The following TARBP1 variants were observed in gnomAD, a reference collection of about 807,000 sequenced individuals.
The protein encoded by TARBP1 is tRNA guanosine 2 -O-methyltransferase TARBP1.
TARBP1 carries 144 observed loss-of-function variants against 178.6 expected under a neutral mutation model. The ratio of observed to expected loss-of-function variants is 0.81; its 90% confidence interval spans 0.70 to 0.93. The LOEUF is 0.93. Ranked by LOEUF, TARBP1 falls within the 40% of genes least tolerant of loss-of-function variation. The pLI is 0.00. For synonymous variants in TARBP1, 787 were observed against 781.0 expected (o/e 1.01, Z -0.13); for missense variants, 2,067 against 2,011.7 (o/e 1.03, Z -0.53).
At chr1:234,457,605 T>C in intron 9 of TARBP1, 62 bp downstream of exon 9, 2 of 1,137,044 alleles carry the variant, frequency 1.8e-6, no homozygotes, top group East Asian at 2.8e-5. Context: ...TACTAAGAAA[T>C]TCATTAAGAA....
At chr1:234,415,878 G>A (rs3754314) in intron 22 of TARBP1, among the ~76,000 whole-genome samples, 26,287 of 152,074 alleles carry the variant, frequency 0.17, 2,418 homozygotes, top group East Asian at 0.3. Context: ...TAGCTTTCCC[G>A]GTGTTCTGTA....
At position 234,437,383 on chromosome 1, in the gene TARBP1, GC is replaced by G; in HGVS notation, c.2135-12del. On this transcript the variant is annotated splice_polypyrimidine_tract_variant and intron_variant, in intron 12 of 29. Transcript: ENST00000040877. Reference sequence around the variant, plus strand: ...CAGTAGACACCTCATCTGTATGGGGGCAAAAAGCATGCAACTAAAATGACAG... The same window carrying G: ...CAGTAGACACCTCATCTGTATGGGGGAAAAAGCATGCAACTAAAATGACAG... 7.1e-7 allele frequency: 1 copy of G among 1,417,320 alleles called. No individual in the cohort carries two copies. The highest frequency in any genetic ancestry group is 9.6e-7 in the Non-Finnish European group (1 of 1,037,030). 87.8% of individuals were successfully genotyped at this position (1,417,320 alleles called of 1,614,324 possible). A position where few individuals can be genotyped will look rare whatever the true frequency, so the allele number is the denominator to read the frequency against.
At chr1:234,462,790 ATAAATT>A (rs893335679) in intron 6 of TARBP1, among the ~76,000 whole-genome samples, 10 of 152,036 alleles carry the variant, frequency 6.6e-5, no homozygotes, top group African/African-American at 1.2e-4. Flanking sequence ...TCAATTTTCT[ATAAATT>A]TAAAGTCATG....
intron 3 of TARBP1, among the ~76,000 whole-genome samples, 182 bp downstream of exon 3, chr1:234,471,006 G>C (rs1385410410): frequency 6.6e-6 from 1 of 152,106 alleles, no homozygotes; most frequent in Non-Finnish European, 1.5e-5. Flanking sequence ...ACATGATCCA[G>C]AAGGTGTGTA....
In TARBP1 at chr1:234,398,397, A is replaced by C; in HGVS notation, c.4228T>G (p.Ser1410Ala). 1 of 1,606,762 alleles carries C rather than the reference A, an allele frequency of 6.2e-7. No homozygotes were observed. Among genetic ancestry groups the C allele is most frequent in the Non-Finnish European group, 8.5e-7 (1 of 1,175,656 alleles). ...QLSKLKPGDW[S>A]QQDIGTNLVE... is the part of the protein sequence containing the mutation. ...TATTTTTTACCTATGTCTTGCTGAG[A>C]CCAGTCACCTGGTTTTAGTTTACTA... is the stretch of plus-strand genomic sequence containing the variant. The change falls in exon 26 of 30, where the codon TCT becomes GCT. Residue 1410 changes from serine to alanine, a missense_variant. Coordinates refer to ENST00000040877, the MANE Select transcript of TARBP1 (RefSeq NM_005646.4).
In TARBP1 at chr1:234,479,008, G is replaced by A. The variant is rs1247733156; in HGVS notation, c.96C>T (p.Arg32=). Residue 32 remains arginine (R), a synonymous_variant, in exon 1 of 30, where the codon CGC becomes CGT. Coordinates refer to ENST00000040877, the MANE Select transcript of TARBP1 (RefSeq NM_005646.4). ...GCAGAAGGAAGCGCAGCGTCTCCAC[G>A]CGCTCCGCGGATGCCTCCCCTTGGC... ...ALCQGEASAE[R]VETLRFLLQR... is the part of the protein sequence containing the mutation. 6.6e-6 allele frequency: 10 copies of A among 1,513,558 alleles called. No homozygotes were observed. The highest frequency in any genetic ancestry group is 4.3e-5 in the African/African-American group (3 of 69,508). 93.8% of individuals were successfully genotyped at this position (1,513,558 alleles called of 1,614,324 possible).
intron 20 of TARBP1, among the ~76,000 whole-genome samples, chr1:234,424,930 G>A (rs568612879): frequency 4.6e-5 from 7 of 152,198 alleles, no homozygotes; most frequent in African/African-American, 1.4e-4. Flanking sequence ...GCATGGTGGC[G>A]CATGTCTGTA....
At chr1:234,417,741 C>A (rs1052601230) in intron 22 of TARBP1, among the ~76,000 whole-genome samples, 12 of 152,094 alleles carry the variant, frequency 7.9e-5, no homozygotes, top group African/African-American at 2.7e-4. Flanking sequence ...TTTTAAGGAA[C>A]GCAATTAATT....
intron 9 of TARBP1, among the ~76,000 whole-genome samples, chr1:234,456,739 G>A (rs911527837): frequency 1.9e-4 from 29 of 152,224 alleles, no homozygotes; most frequent in African/African-American, 6.5e-4. Context: ...AAGAGAATAC[G>A]TATATTCATA....
rs35248474 is a variant in TARBP1, at chr1:234,398,161, C to CTT, written c.4243+219_4243+220dup. ...ATAAAGCAGATCAGGCTTCCTTTGG[C>CTT]TTTTTTTTTTTTTTTAAATAGCTTT... On this transcript the variant is annotated intron_variant, in intron 26 of 29. Coordinates refer to ENST00000040877, the MANE Select transcript of TARBP1 (RefSeq NM_005646.4). 5.9e-3 allele frequency: 1,528 copies of CTT among 259,082 alleles called. 2 individuals are homozygous for CTT. The highest frequency in any genetic ancestry group is 0.015 in the South Asian group (125 of 8,420). The allele number at this position is 259,082 out of a possible 1,614,324, so 16.0% of individuals were successfully genotyped here.
At chr1:234,465,794 A>G in intron 4 of TARBP1, 86 bp from the exon 5 acceptor site, 1 of 1,245,638 alleles carries the variant, frequency 8.0e-7, no homozygotes, top group Non-Finnish European at 1.1e-6. Context: ...TGAACATCCT[A>G]CACAGGCTTA....
At chr1:234,458,753 C>G (rs576618154) in intron 8 of TARBP1, among the ~76,000 whole-genome samples, 34 of 152,140 alleles carry the variant, frequency 2.2e-4, no homozygotes, top group Non-Finnish European at 4.1e-4. Flanking sequence ...ACAAGGCATA[C>G]GCTCCAAGAG....
At chr1:234,440,553 G>A (rs562870765) in intron 12 of TARBP1, among the ~76,000 whole-genome samples, 7 of 151,926 alleles carry the variant, frequency 4.6e-5, no homozygotes, top group South Asian at 2.1e-4. Flanking sequence ...CTACAGACCC[G>A]ACAGGCATTA....
intron 12 of TARBP1, among the ~76,000 whole-genome samples, chr1:234,445,229 A>G (rs549380644): frequency 2.1e-4 from 32 of 152,052 alleles, no homozygotes; most frequent in Non-Finnish European, 4.1e-4. Flanking sequence ...CTCTGGCTAT[A>G]AATTCCCCTA....
intron 14 of TARBP1, among the ~76,000 whole-genome samples, chr1:234,432,518 G>A (rs12045759): frequency 0.13 from 20,398 of 152,100 alleles, 1,511 homozygotes; most frequent in Middle Eastern, 0.26. Context: ...CACACTACAA[G>A]TGAGGCATAA....
chr1:234,402,150 G>A (rs1426420889), intron 24 of TARBP1, among the ~76,000 whole-genome samples: 3 of 152,302 alleles, frequency 2.0e-5, no homozygotes, highest in East Asian at 1.9e-4. Flanking sequence ...GGACTCAAGC[G>A]ATATCCTAAG....
chr1:234,459,354 T>C, intron 7 of TARBP1, 28 bp from the exon 8 acceptor site: 1 of 1,524,746 alleles, frequency 6.6e-7, no homozygotes. Context: ...AAAATGCAGT[T>C]CCGTATTCCC....
intron 6 of TARBP1, among the ~76,000 whole-genome samples, chr1:234,462,729 C>T (rs1221342294): frequency 6.8e-6 from 1 of 147,484 alleles, no homozygotes; most frequent in African/African-American, 2.4e-5. Context: ...CAGTTATCTT[C>T]CCCATCTTCC....
chr1:234,422,815 T>C (rs995882996), intron 20 of TARBP1, among the ~76,000 whole-genome samples: 2 of 152,218 alleles, frequency 1.3e-5, no homozygotes, highest in Non-Finnish European at 2.9e-5. Context: ...TTATTACACA[T>C]TGTATGCCTA....
Sources: allele counts gnomAD v4.1 joint callset (sites outside exome capture counted in the v4.1 genomes callset), GRCh38; gene constraint gnomAD v4.1.1; transcripts MANE v1.5; gene names NCBI Gene and HGNC (gene_info 2026-07-23, HGNC 2026-07-21).